The following MARCHF1 variants were observed in gnomAD, a reference collection of about 807,000 sequenced individuals.
The protein encoded by MARCHF1 is E3 ubiquitin-protein ligase MARCHF1.
A neutral mutation model predicts 54.2 loss-of-function variants in MARCHF1; 40 were observed. That is an observed-to-expected ratio of 0.74 (90% CI 0.57 to 0.96). MARCHF1 has a LOEUF of 0.96. MARCHF1 is among the 40% of genes least tolerant of loss of function. The pLI is 0.00. For missense variants in MARCHF1, 586 were observed against 656.5 expected, an observed-to-expected ratio of 0.89 and a Z score of 1.17; for synonymous variants, 236 against 236.3, an observed-to-expected ratio of 1.00 and a Z score of 0.01.
chr4:164,259,600 AAGAAG>A, intron 1 of MARCHF1, among the ~76,000 whole-genome samples: 2 of 151,332 alleles, frequency 1.3e-5, no homozygotes, highest in African/African-American at 4.9e-5. Flanking sequence ...AAAAAAAGAA[AAGAAG>A]AAGTATAGCC....
At chr4:164,363,561 A>G (rs192488831) in intron 1 of MARCHF1, among the ~76,000 whole-genome samples, 69 of 152,228 alleles carry the variant, frequency 4.5e-4, no homozygotes, top group Admixed American at 1.3e-3. Context: ...ACGAGTAGAA[A>G]AGCCAACAAA....
intron 1 of MARCHF1, among the ~76,000 whole-genome samples, chr4:164,174,867 G>A (rs1579595143): frequency 6.6e-6 from 1 of 152,064 alleles, no homozygotes; most frequent in East Asian, 1.9e-4. Flanking sequence ...TTACTAATTA[G>A]CTAATTGTTC....
At chr4:163,538,113 T>C (rs1394529220) in intron 9 of MARCHF1, among the ~76,000 whole-genome samples, 1 of 152,108 alleles carries the variant, frequency 6.6e-6, no homozygotes, top group East Asian at 1.9e-4. Flanking sequence ...CAGTCCACAG[T>C]TTGTAGGGAA....
chr4:164,209,633 AAATATT>A (rs1435579430), intron 1 of MARCHF1, among the ~76,000 whole-genome samples: 1 of 152,208 alleles, frequency 6.6e-6, no homozygotes, highest in Non-Finnish European at 1.5e-5. Flanking sequence ...ACAAAACAAG[AAATATT>A]AATATTATGC....
chr4:164,230,587 T>A (rs1228597553), intron 1 of MARCHF1, among the ~76,000 whole-genome samples: 1 of 151,982 alleles, frequency 6.6e-6, no homozygotes, highest in African/African-American at 2.4e-5. Context: ...AATAAATTAT[T>A]ATTACCTATA....
chr4:163,888,094 C>A (rs1354602633), intron 3 of MARCHF1, among the ~76,000 whole-genome samples: 2 of 152,146 alleles, frequency 1.3e-5, no homozygotes, highest in Admixed American at 6.6e-5. Flanking sequence ...AAACTATTAA[C>A]CTATGTTGGG....
At chr4:164,170,235 A>G (rs1224178716) in intron 1 of MARCHF1, among the ~76,000 whole-genome samples, 1 of 152,166 alleles carries the variant, frequency 6.6e-6, no homozygotes, top group African/African-American at 2.4e-5. Context: ...CCATTCTAAG[A>G]GTTGAACTAC....
chr4:163,825,968 T>C (rs1213536305), intron 4 of MARCHF1, among the ~76,000 whole-genome samples: 1 of 151,980 alleles, frequency 6.6e-6, no homozygotes, highest in African/African-American at 2.4e-5. Context: ...GAGGAGTAAA[T>C]TGGCTATTGT....
chr4:163,563,561 G>C (rs1004893741), intron 8 of MARCHF1, among the ~76,000 whole-genome samples: 1 of 152,206 alleles, frequency 6.6e-6, no homozygotes, highest in Non-Finnish European at 1.5e-5. Flanking sequence ...GGCAGCGTAA[G>C]ATCATGCTTA....
chr4:164,241,877 G>A (rs1026502320), intron 1 of MARCHF1, among the ~76,000 whole-genome samples: 13 of 152,178 alleles, frequency 8.5e-5, no homozygotes, highest in African/African-American at 3.1e-4. Flanking sequence ...GATGGCACCT[G>A]GAAAATCAGG....
intron 3 of MARCHF1, among the ~76,000 whole-genome samples, chr4:163,925,545 A>G (rs1579396790): frequency 6.6e-6 from 1 of 151,846 alleles, no homozygotes; most frequent in Non-Finnish European, 1.5e-5. Context: ...AGGAAGACAT[A>G]TTGACAATTT....
intron 1 of MARCHF1, among the ~76,000 whole-genome samples, chr4:164,147,830 A>G (rs1232293953): frequency 7.7e-6 from 1 of 130,696 alleles, no homozygotes; most frequent in Non-Finnish European, 1.5e-5. Flanking sequence ...AATAATAAAA[A>G]AAGTCAATAA....
chr4:164,304,212 G>A (rs371951439), intron 1 of MARCHF1, among the ~76,000 whole-genome samples: 15 of 152,180 alleles, frequency 9.9e-5, no homozygotes, highest in East Asian at 3.8e-4. Flanking sequence ...AGAAAAACAA[G>A]TATATATGTC....
chr4:163,899,835 C>A (rs28620728), intron 3 of MARCHF1, among the ~76,000 whole-genome samples: 11,411 of 151,322 alleles, frequency 0.075, 955 homozygotes, highest in African/African-American at 0.2. Flanking sequence ...TAGCAAATAA[C>A]AATAAAGTGG....
intron 1 of MARCHF1, among the ~76,000 whole-genome samples, chr4:164,351,009 C>T (rs935621906): frequency 1.3e-4 from 20 of 152,092 alleles, no homozygotes; most frequent in African/African-American, 4.8e-4. Context: ...GACGGACGCA[C>T]CTGGAAAATC....
At chr4:164,330,164 G>A (rs1735392975) in intron 1 of MARCHF1, 1 of 135,716 alleles carries the variant, frequency 7.4e-6, no homozygotes, top group Admixed American at 7.8e-5. Flanking sequence ...CAGCTTCTGT[G>A]AAGGAAGGTT....
chr4:164,036,378 G>T (rs1754002874), intron 2 of MARCHF1, among the ~76,000 whole-genome samples: 1 of 152,022 alleles, frequency 6.6e-6, no homozygotes, highest in Admixed American at 6.6e-5. Context: ...AGGAGTATCA[G>T]ATAAAGAAAA....
intron 5 of MARCHF1, among the ~76,000 whole-genome samples, chr4:163,687,541 GTAGAT>G (rs1403042757): frequency 6.6e-6 from 1 of 151,994 alleles, no homozygotes; most frequent in African/African-American, 2.4e-5. Context: ...TTTTTTTCTG[GTAGAT>G]TAAAGGCCTG....
intron 4 of MARCHF1, among the ~76,000 whole-genome samples, chr4:163,734,239 G>A (rs1438061098): frequency 6.6e-6 from 1 of 152,152 alleles, no homozygotes; most frequent in Non-Finnish European, 1.5e-5. Context: ...AATGTATAAA[G>A]AGACAGCTAC....
Sources: allele counts gnomAD v4.1 joint callset (sites outside exome capture counted in the v4.1 genomes callset), GRCh38; gene constraint gnomAD v4.1.1; transcripts MANE v1.5; gene names NCBI Gene and HGNC (gene_info 2026-07-23, HGNC 2026-07-21).